Variants in THUMPD2 observed in about 807,000 individuals in gnomAD.
The protein encoded by THUMPD2 is U6 snRNA (guanine-N(2))-methyltransferase THUMPD2.
In THUMPD2, 56 loss-of-function variants were observed where a neutral mutation model predicts 49.4. The observed-to-expected ratio is 1.13, with a 90% CI of 0.91 to 1.41. The LOEUF (loss-of-function observed/expected upper bound fraction) is 1.41. Ranked by LOEUF, THUMPD2 falls within the 40% of genes most tolerant of loss-of-function variation. THUMPD2 has a pLI of 0.00. For missense variants in THUMPD2, 709 were observed against 594.5 expected, an observed-to-expected ratio of 1.19 and a Z score of -2.00; for synonymous variants, 237 against 205.2, an observed-to-expected ratio of 1.15 and a Z score of -1.32.
chr2:39,761,556 G>C (rs1676827315), intron 5 of THUMPD2, 138 bp from the exon 6 acceptor site: 2 of 789,906 alleles, frequency 2.5e-6, no homozygotes, highest in Non-Finnish European at 3.9e-6. Flanking sequence ...GTTAGACAAT[G>C]TTTCAGTCTT....
At chr2:39,739,737 TG>T (rs1363530334) in intron 9 of THUMPD2, among the ~76,000 whole-genome samples, 1 of 151,994 alleles carries the variant, frequency 6.6e-6, no homozygotes, top group Non-Finnish European at 1.5e-5. Context: ...AAATGAGAAG[TG>T]GGCAGAGTGT....
In THUMPD2 at chr2:39,744,351, A is replaced by C; in HGVS notation, c.1187+19T>G. On this transcript the variant is annotated intron_variant, in intron 9 of 9. Coordinates refer to ENST00000505747, the MANE Select transcript of THUMPD2 (RefSeq NM_025264.5). ...GCCCAGTAGCTAAAAAAATTATGAA[A>C]ATAAATTCAACAACTTACCTTTCCA... 2 of 1,483,344 alleles carry C rather than the reference A, an allele frequency of 1.3e-6. No individual in the cohort carries two copies. Among genetic ancestry groups the C allele is most frequent in the Non-Finnish European group, 1.8e-6 (2 of 1,098,500 alleles). The allele number at this position is 1,483,344 out of a possible 1,614,324, so 91.9% of individuals were successfully genotyped here. A position where few individuals can be genotyped will look rare whatever the true frequency, so the allele number is the denominator to read the frequency against.
At position 39,736,750 on chromosome 2, in the gene THUMPD2, G is replaced by A; in HGVS notation, c.1497C>T (p.His499=). The A allele has an allele frequency of 1.2e-6, 2 of 1,613,802 alleles. No individual in the cohort carries two copies. Among genetic ancestry groups the A allele is most frequent in the Non-Finnish European group, 1.7e-6 (2 of 1,179,838 alleles). The change falls in exon 10 of 10, where the codon CAC becomes CAT. Residue 499 remains histidine, a synonymous_variant. Transcript: ENST00000505747. ...DAFICKYKKS[H]SSGL is the part of the protein sequence containing the mutation. ...AGCAAGCCTGCTACAGTCCAGAAGA[G>A]TGCGACTTCTTATATTTACATATGA...
At chr2:39,751,681 ATTTTTTT>A (rs11284104) in intron 8 of THUMPD2, among the ~76,000 whole-genome samples, 5 of 119,970 alleles carry the variant, frequency 4.2e-5, no homozygotes, top group East Asian at 5.1e-4. Context: ...ATATTAAAAG[ATTTTTTT>A]TTTTTTTTTT....
chr2:39,754,660 G>A (rs1675859690), intron 8 of THUMPD2, among the ~76,000 whole-genome samples: 1 of 152,188 alleles, frequency 6.6e-6, no homozygotes, highest in Admixed American at 6.5e-5. Context: ...AAACGCCAGG[G>A]ATCTCAGGAA....
chr2:39,769,690 A>T lies in THUMPD2; in HGVS notation c.672+20T>A. The T allele has an allele frequency of 6.7e-7, 1 of 1,490,276 alleles. No homozygotes were observed. The allele number at this position is 1,490,276 out of a possible 1,614,324, so 92.3% of individuals were successfully genotyped here. A position where few individuals can be genotyped will look rare whatever the true frequency, so the allele number is the denominator to read the frequency against. The stretch of plus-strand genomic sequence containing the variant: ...CATTCCAGCCTGGGCGACAGACTCC[A>T]CTTTAGGATGCAAGCATACCTGTGC... On this transcript the variant is annotated intron_variant, in intron 3 of 9. Transcript: ENST00000505747.
At chr2:39,745,539 C>T (rs531001237) in intron 8 of THUMPD2, among the ~76,000 whole-genome samples, 119 of 152,250 alleles carry the variant, frequency 7.8e-4, no homozygotes, top group African/African-American at 2.7e-3. Context: ...AAATAGACAA[C>T]GAAGGCAACC....
chr2:39,752,145 G>C (rs1675492061), intron 8 of THUMPD2, among the ~76,000 whole-genome samples: 3 of 152,152 alleles, frequency 2.0e-5, no homozygotes, highest in Admixed American at 2.0e-4. Flanking sequence ...TAACTTCCTA[G>C]GTATACCAAC....
Position 39,773,538 on chromosome 2 carries a change from AATATATATTTATATTTAAAAATAT to A in THUMPD2, c.127-1922_127-1899del, listed in dbSNP as rs1558542563. 3.3e-4 allele frequency among the ~76,000 whole-genome samples: 48 copies of A among 145,790 alleles called. No homozygotes were observed. In the Middle Eastern group the frequency reaches 0.014, roughly 44 times the overall value. Reference sequence around the variant, plus strand: ...TTCTCTAACACACACACATATATAAAATATATATTTATATTTAAAAATATATATATATTTATATTTTAAAAATAT... The same window carrying A: ...TTCTCTAACACACACACATATATAAAATATATATTTATATTTTAAAAATAT... On this transcript the variant is annotated intron_variant, in intron 1 of 9. Coordinates refer to ENST00000505747, the MANE Select transcript of THUMPD2 (RefSeq NM_025264.5).
chr2:39,753,823 C>T (rs1200192104), intron 8 of THUMPD2, among the ~76,000 whole-genome samples: 2 of 152,142 alleles, frequency 1.3e-5, no homozygotes, highest in East Asian at 1.9e-4. Context: ...CATTTCTTAC[C>T]TGGATTATAA....
intron 6 of THUMPD2, chr2:39,757,400 G>C: frequency 3.1e-6 from 4 of 1,303,582 alleles, no homozygotes; most frequent in South Asian, 1.2e-5. Flanking sequence ...TTCTTCAAGA[G>C]ACAGAAGCCT....
At chr2:39,739,445 G>A (rs1673600337) in intron 9 of THUMPD2, among the ~76,000 whole-genome samples, 1 of 152,120 alleles carries the variant, frequency 6.6e-6, no homozygotes. Context: ...TGACTACCTA[G>A]CTAGGGTAGC....
At chr2:39,776,718 T>A (rs1251741049) in intron 1 of THUMPD2, among the ~76,000 whole-genome samples, 1 of 152,310 alleles carries the variant, frequency 6.6e-6, no homozygotes, top group Admixed American at 6.5e-5. Flanking sequence ...TTGTTTACTT[T>A]TGTATATTTT....
chr2:39,774,410 CTTGT>C (rs1351797493), intron 1 of THUMPD2, among the ~76,000 whole-genome samples: 2 of 152,100 alleles, frequency 1.3e-5, no homozygotes, highest in Non-Finnish European at 2.9e-5. Context: ...TATAGGAACT[CTTGT>C]TTATTTCAAT....
chr2:39,759,213 G>A (rs1012244069), intron 6 of THUMPD2, among the ~76,000 whole-genome samples: 1 of 151,588 alleles, frequency 6.6e-6, no homozygotes, highest in Non-Finnish European at 1.5e-5. Context: ...AAATAGTTGA[G>A]GCAATAATTA....
chr2:39,751,631 T>A (rs1005176316), intron 8 of THUMPD2, among the ~76,000 whole-genome samples: 13 of 151,238 alleles, frequency 8.6e-5, no homozygotes, highest in Non-Finnish European at 1.2e-4. Flanking sequence ...TAAATTTTCA[T>A]AACGATTAAA....
intron 6 of THUMPD2, chr2:39,757,229 G>C: frequency 6.5e-6 from 3 of 462,896 alleles, no homozygotes; most frequent in South Asian, 5.1e-5. Flanking sequence ...GGGGCAAGGA[G>C]GAGCAAGCAG....
intron 7 of THUMPD2, among the ~76,000 whole-genome samples, 169 bp downstream of exon 7, chr2:39,755,720 C>T (rs1351458946): frequency 1.3e-5 from 2 of 151,138 alleles, no homozygotes; most frequent in Non-Finnish European, 2.9e-5. Flanking sequence ...TTTAAAGAAA[C>T]AACATAGCAA....
intron 1 of THUMPD2, among the ~76,000 whole-genome samples, chr2:39,776,112 A>G (rs1197508405): frequency 1.3e-5 from 2 of 152,230 alleles, no homozygotes; most frequent in African/African-American, 4.8e-5. Flanking sequence ...AAATAGCAGT[A>G]CTTAATAATA....
Sources: allele counts gnomAD v4.1 joint callset (sites outside exome capture counted in the v4.1 genomes callset), GRCh38; gene constraint gnomAD v4.1.1; transcripts MANE v1.5; gene names NCBI Gene and HGNC (gene_info 2026-07-23, HGNC 2026-07-21).